Variants in CSMD2 observed in about 807,000 individuals in gnomAD.
CSMD2 encodes CUB and Sushi multiple domains 2.
In CSMD2, 130 loss-of-function variants were observed where a neutral mutation model predicts 398.5. The observed-to-expected ratio is 0.33, with a 90% CI of 0.28 to 0.38. The LOEUF (loss-of-function observed/expected upper bound fraction) is 0.38. CSMD2 is among the 10% of genes least tolerant of loss of function. The probability of loss-of-function intolerance (pLI) is 1.00; values close to 1 mark genes in which losing one functional copy is unlikely to be tolerated. For missense variants in CSMD2, 3,829 were observed against 4,764.9 expected (o/e 0.80, Z 5.78); for synonymous variants, 1,828 against 1,908.5 (o/e 0.96, Z 1.10).
intron 15 of CSMD2, among the ~76,000 whole-genome samples, chr1:33,737,476 G>A (rs956467928): frequency 2.0e-5 from 3 of 152,118 alleles, no homozygotes; most frequent in African/African-American, 7.2e-5. Flanking sequence ...CCTCTCACCA[G>A]GCACTGCTCC....
rs1640525760 is a variant in CSMD2, at chr1:33,605,390, A to G, written c.6424T>C (p.Ser2142Pro). 1.9e-6 allele frequency: 3 copies of G among 1,614,162 alleles called. No individual in the cohort carries two copies. The highest frequency in any genetic ancestry group is 2.5e-6 in the Non-Finnish European group (3 of 1,180,018). Residue 2142 changes from serine (S) to proline (P), a missense_variant, in exon 42 of 71, where the codon TCA (serine) becomes CCA (proline). Ser to Pro is a moderately conservative substitution (Grantham distance 74). This residue lies in a region of CSMD2 where 723 missense variants were observed against 758.6 expected (regional missense o/e 0.95). Transcript: ENST00000373381. ...CCCGGGAGGCACTCGAAGGTCACTG[A>G]TTGTCCCACGTTGTAGCCAGCTCCC... ...VRGAGYNVGQ[S>P]VTFECLPGYQ...
chr1:34,117,142 G>C (rs369642662), intron 1 of CSMD2, among the ~76,000 whole-genome samples: 1 of 151,872 alleles, frequency 6.6e-6, no homozygotes, highest in Non-Finnish European at 1.5e-5. Context: ...ATAAAGATTA[G>C]AGCAAAAACA....
chr1:33,613,905 C>T (rs561575933), intron 40 of CSMD2, among the ~76,000 whole-genome samples: 1 of 152,192 alleles, frequency 6.6e-6, no homozygotes, highest in Non-Finnish European at 1.5e-5. Flanking sequence ...CACACCCTGA[C>T]AACCTCCCAT....
chr1:33,780,969 G>A (rs935526967), intron 12 of CSMD2, among the ~76,000 whole-genome samples: 1 of 152,228 alleles, frequency 6.6e-6, no homozygotes, highest in Admixed American at 6.5e-5. Flanking sequence ...CTGACAAGAG[G>A]AAAGGCGGTG....
intron 2 of CSMD2, 92 bp downstream of exon 2, chr1:34,088,885 C>T: frequency 9.6e-7 from 1 of 1,040,328 alleles, no homozygotes; most frequent in Non-Finnish European, 1.5e-6. Context: ...TTGTTGATGA[C>T]CATAAACTTT....
intron 2 of CSMD2, among the ~76,000 whole-genome samples, chr1:34,087,990 G>A (rs1375210431): frequency 1.3e-5 from 2 of 152,076 alleles, no homozygotes; most frequent in Admixed American, 1.3e-4. Context: ...ATGCCCCCCC[G>A]CCTCTGCTGC....
At chr1:33,688,231 T>A (rs138776108) in intron 25 of CSMD2, among the ~76,000 whole-genome samples, 37 of 152,302 alleles carry the variant, frequency 2.4e-4, no homozygotes, top group African/African-American at 8.7e-4. Flanking sequence ...TCTGTACCCA[T>A]CAAACAGGAT....
Position 34,089,035 on chromosome 1 carries a change from C to T in CSMD2, c.346G>A (p.Asp116Asn). The T allele has an allele frequency of 1.9e-6, 3 of 1,614,134 alleles. No individual in the cohort carries two copies. Among genetic ancestry groups the T allele is most frequent in the Non-Finnish European group, 1.7e-6 (2 of 1,180,034 alleles). Residue 116 changes from aspartate (D) to asparagine (N), a missense_variant, in exon 2 of 71, where the codon GAC becomes AAC. Asp to Asn is a conservative substitution (Grantham distance 23). Coordinates refer to ENST00000373381, the MANE Select transcript of CSMD2 (RefSeq NM_001281956.2). The part of the protein sequence containing the change: ...LVFQSFALEE[D>N]FDVLSVFDGP... ...TCAAACACCGACAGGACATCAAAGTCCTCTTCCAGGGCAAAGGACTGGAAC... is the reference window on the plus strand; with the variant it reads ...TCAAACACCGACAGGACATCAAAGTTCTCTTCCAGGGCAAAGGACTGGAAC...
intron 27 of CSMD2, among the ~76,000 whole-genome samples, chr1:33,654,747 A>G (rs1643898032): frequency 6.6e-6 from 1 of 152,220 alleles, no homozygotes; most frequent in Non-Finnish European, 1.5e-5. Flanking sequence ...CAGAAGTCCC[A>G]ACTCTGGGGA....
At chr1:33,840,991 G>A (rs897282541) in intron 6 of CSMD2, among the ~76,000 whole-genome samples, 32 of 152,214 alleles carry the variant, frequency 2.1e-4, no homozygotes, top group Non-Finnish European at 1.3e-4. Flanking sequence ...GCTTCAGCTT[G>A]TTATTATAAA....
chr1:34,060,382 C>G (rs183753814), intron 2 of CSMD2, among the ~76,000 whole-genome samples: 5 of 152,298 alleles, frequency 3.3e-5, no homozygotes, highest in Admixed American at 6.5e-5. Flanking sequence ...TCTTCATTTT[C>G]CAAGTTTTCT....
Position 33,698,994 on chromosome 1 carries a change from C to A in CSMD2, c.3734-50G>T, listed in dbSNP as rs777628578. The A allele has an allele frequency of 3.3e-6, 5 of 1,498,866 alleles. No homozygotes were observed. In the East Asian group the frequency reaches 9.2e-5, roughly 28 times the overall value. The allele number at this position is 1,498,866 out of a possible 1,614,324, so 92.8% of individuals were successfully genotyped here. The stretch of plus-strand genomic sequence containing the variant: ...TGAGTAAGACCTATTGTGGCAGAAA[C>A]CATGCTTCCTCTCTTCCCTCAAAGC... On this transcript the variant is annotated intron_variant, in intron 23 of 70. Transcript: ENST00000373381.
intron 21 of CSMD2, among the ~76,000 whole-genome samples, chr1:33,710,568 T>C (rs1645951472): frequency 1.3e-5 from 2 of 152,200 alleles, no homozygotes; most frequent in African/African-American, 4.8e-5. Flanking sequence ...GCCTTGAATC[T>C]TTCAGGCGGC....
chr1:33,950,975 C>T (rs1644990986), intron 3 of CSMD2, among the ~76,000 whole-genome samples: 1 of 152,216 alleles, frequency 6.6e-6, no homozygotes, highest in Admixed American at 6.5e-5. Flanking sequence ...TAACTGATTA[C>T]AGCATTGAGT....
chr1:33,517,654 C>T (rs1289265749), intron 70 of CSMD2, among the ~76,000 whole-genome samples: 8 of 152,128 alleles, frequency 5.3e-5, no homozygotes. Flanking sequence ...AAAACAATCC[C>T]ACTGGAATAA....
chr1:33,783,501 C>T (rs946341094), intron 12 of CSMD2, among the ~76,000 whole-genome samples: 3 of 150,936 alleles, frequency 2.0e-5, no homozygotes, highest in Non-Finnish European at 2.9e-5. Flanking sequence ...CCCAGGAAAG[C>T]CCATGCAAGG....
At chr1:34,080,596 A>C (rs932560117) in intron 2 of CSMD2, among the ~76,000 whole-genome samples, 2 of 152,130 alleles carry the variant, frequency 1.3e-5, no homozygotes, top group Non-Finnish European at 2.9e-5. Context: ...AAAACCCTAG[A>C]GTCAAAGAAA....
At position 33,633,082 on chromosome 1, in the gene CSMD2, A is replaced by T. The variant is rs1296093231; in HGVS notation, c.5200+340T>A. On this transcript the variant is annotated intron_variant, in intron 32 of 70. Coordinates refer to ENST00000373381, the MANE Select transcript of CSMD2 (RefSeq NM_001281956.2). This position sits in a 1 kb window ranked among gnomAD's most constrained non-coding sequence, Gnocchi z 5.0. Reference sequence around the variant, plus strand: ...GGGGTAGTCTTTATTTTGATTCTGTATGCAATTATTTTGTTTTGTCACTAA... The same window carrying T: ...GGGGTAGTCTTTATTTTGATTCTGTTTGCAATTATTTTGTTTTGTCACTAA... Among the ~76,000 whole-genome samples the T allele has an allele frequency of 6.6e-6, 1 of 152,216 alleles. No individual in the cohort carries two copies. Among genetic ancestry groups the T allele is most frequent in the Non-Finnish European group, 1.5e-5 (1 of 68,038 alleles).
intron 13 of CSMD2, among the ~76,000 whole-genome samples, chr1:33,749,699 AC>A (rs1647945865): frequency 6.6e-6 from 1 of 152,206 alleles, no homozygotes; most frequent in Admixed American, 6.5e-5. Context: ...GGCTATAATA[AC>A]ACTAAGGTGA....
Sources: allele counts gnomAD v4.1 joint callset (sites outside exome capture counted in the v4.1 genomes callset), GRCh38; gene constraint gnomAD v4.1.1; regional missense constraint gnomAD v4.1.1; non-coding constraint Gnocchi (gnomAD v3.1); transcripts MANE v1.5; gene names NCBI Gene and HGNC (gene_info 2026-07-23, HGNC 2026-07-21).